Variants in NBAS observed in about 807,000 individuals in gnomAD.
The protein encoded by NBAS is NBAS subunit of NRZ tethering complex, also known as NAG/BC035112 fusion.
A neutral mutation model predicts 302.5 loss-of-function variants in NBAS; 219 were observed. The ratio of observed to expected loss-of-function variants is 0.72; its 90% CI spans 0.65 to 0.81. NBAS has a LOEUF of 0.81. NBAS is among the 30% of genes least tolerant of loss of function. NBAS has a pLI of 0.00. For synonymous variants in NBAS, 1,118 were observed against 1,021.6 expected (o/e 1.09, Z -1.80); for missense variants, 2,932 against 2,841.6 (o/e 1.03, Z -0.72).
chr2:15,171,903 A>G (rs1173663738), intron 51 of NBAS, among the ~76,000 whole-genome samples: 1 of 152,202 alleles, frequency 6.6e-6, no homozygotes, highest in Admixed American at 6.5e-5. Flanking sequence ...GAAGAAACCA[A>G]CCTTACACCT....
At chr2:15,025,406 C>T in the NBAS span, among the ~76,000 whole-genome samples, 2 of 152,164 alleles carry the variant, frequency 1.3e-5, no homozygotes, top group African/African-American at 2.4e-5. Flanking sequence ...TGTGATTCTT[C>T]CAGCTTTGTT....
the NBAS span, among the ~76,000 whole-genome samples, chr2:15,141,787 C>A: frequency 6.6e-6 from 1 of 152,162 alleles, no homozygotes; most frequent in African/African-American, 2.4e-5. Flanking sequence ...TTTAGCAGAT[C>A]ATACCCTTTC....
At chr2:15,265,626 T>C (rs1012600934) in intron 44 of NBAS, among the ~76,000 whole-genome samples, 1 of 152,142 alleles carries the variant, frequency 6.6e-6, no homozygotes, top group African/African-American at 2.4e-5. Flanking sequence ...AACTACAATA[T>C]TAATTTTAAA....
At chr2:15,052,124 C>T in the NBAS span, among the ~76,000 whole-genome samples, 1 of 152,172 alleles carries the variant, frequency 6.6e-6, no homozygotes, top group East Asian at 1.9e-4. Context: ...TAGACAGTGA[C>T]ACTTAATCTA....
chr2:15,549,620 T>C (rs1664279685), intron 6 of NBAS, among the ~76,000 whole-genome samples: 1 of 151,934 alleles, frequency 6.6e-6, no homozygotes, highest in Admixed American at 6.6e-5. Context: ...CCCAGCCACC[T>C]GGGAAACGTA....
the NBAS span, among the ~76,000 whole-genome samples, chr2:15,118,683 G>C: frequency 2.0e-5 from 3 of 152,164 alleles, no homozygotes; most frequent in Non-Finnish European, 1.5e-5. Context: ...ATTACACAAA[G>C]AGACACCGTG....
At chr2:15,143,483 C>T in the NBAS span, among the ~76,000 whole-genome samples, 1,359 of 152,260 alleles carry the variant, frequency 8.9e-3, 20 homozygotes, top group African/African-American at 0.031. Flanking sequence ...ACACAAACAA[C>T]TTAGAAACAA....
the NBAS span, among the ~76,000 whole-genome samples, chr2:14,801,476 A>G: frequency 2.1e-4 from 32 of 152,116 alleles, 1 homozygote; most frequent in Non-Finnish European, 1.5e-5. Flanking sequence ...CAGATATTAT[A>G]GTTTTTATTT....
intron 48 of NBAS, among the ~76,000 whole-genome samples, chr2:15,203,517 G>A (rs973422403): frequency 4.3e-4 from 66 of 152,230 alleles, no homozygotes; most frequent in African/African-American, 1.5e-3. Flanking sequence ...TATGCAGGGA[G>A]ACTTTAGGGT....
At chr2:14,933,490 C>T in the NBAS span, among the ~76,000 whole-genome samples, 25 of 152,172 alleles carry the variant, frequency 1.6e-4, no homozygotes, top group African/African-American at 6.0e-4. Context: ...TAACATTAAA[C>T]AAGCAGTTAA....
intron 25 of NBAS, among the ~76,000 whole-genome samples, chr2:15,405,302 TTA>T (rs922548261): frequency 2.0e-5 from 3 of 152,354 alleles, no homozygotes; most frequent in Non-Finnish European, 2.9e-5. Context: ...TTTTCTCTTC[TTA>T]TGCCATTCTG....
At chr2:15,007,566 T>C in the NBAS span, among the ~76,000 whole-genome samples, 2 of 152,184 alleles carry the variant, frequency 1.3e-5, no homozygotes, top group African/African-American at 2.4e-5. Context: ...GAAATCAGTA[T>C]GTAGAGTTAG....
chr2:15,190,153 C>T (rs565215643), intron 49 of NBAS, 111 bp downstream of exon 49: 49 of 1,234,828 alleles, frequency 4.0e-5, no homozygotes, highest in Non-Finnish European at 4.9e-5. Context: ...ATACTGACTA[C>T]GCACACACAT....
At chr2:15,058,866 T>C in the NBAS span, among the ~76,000 whole-genome samples, 2 of 152,212 alleles carry the variant, frequency 1.3e-5, no homozygotes, top group Non-Finnish European at 2.9e-5. Context: ...TGCCAGGAGA[T>C]AGATTAAAGC....
intron 35 of NBAS, among the ~76,000 whole-genome samples, chr2:15,348,713 A>G (rs2148289813): frequency 6.6e-6 from 1 of 152,204 alleles, no homozygotes; most frequent in Admixed American, 6.5e-5. Flanking sequence ...GAAAAAAAAA[A>G]AAAATCCACT....
the NBAS span, among the ~76,000 whole-genome samples, chr2:15,140,082 G>C: frequency 1.3e-5 from 2 of 152,176 alleles, no homozygotes; most frequent in Non-Finnish European, 2.9e-5. Context: ...TAGAACACTT[G>C]CTCTTGGAAC....
At chr2:15,445,083 G>A (rs1468029253) in intron 21 of NBAS, among the ~76,000 whole-genome samples, 1 of 151,744 alleles carries the variant, frequency 6.6e-6, no homozygotes. Context: ...CAACCACTGT[G>A]GAAGTCAGTG....
the NBAS span, among the ~76,000 whole-genome samples, chr2:14,793,961 T>C: frequency 6.6e-6 from 1 of 152,118 alleles, no homozygotes; most frequent in Non-Finnish European, 1.5e-5. Context: ...AAACTATGCC[T>C]CAGGAATGAA....
intron 30 of NBAS, 151 bp downstream of exon 30, chr2:15,379,451 T>C: frequency 1.6e-6 from 1 of 644,740 alleles, no homozygotes; most frequent in Non-Finnish European, 2.5e-6. Flanking sequence ...TAGTTTTTCT[T>C]TTTATATTCA....
Sources: allele counts gnomAD v4.1 joint callset (sites outside exome capture counted in the v4.1 genomes callset), GRCh38; gene constraint gnomAD v4.1.1; transcripts MANE v1.5; gene names NCBI Gene and HGNC (gene_info 2026-07-23, HGNC 2026-07-21).